The following ZNF341 variants were observed in gnomAD, a reference collection of about 807,000 sequenced individuals.
The protein encoded by ZNF341 is zinc finger protein 341.
Under a neutral mutation model 87.7 loss-of-function variants are expected in ZNF341, and 52 were observed. That is an observed-to-expected ratio of 0.59 (90% confidence interval 0.47 to 0.75). The LOEUF (loss-of-function observed/expected upper bound fraction) is 0.75, where lower values mean the gene tolerates loss of function less well. Ranked by LOEUF, ZNF341 falls within the 30% of genes least tolerant of loss-of-function variation. The pLI is 0.00. For synonymous variants in ZNF341, 459 were observed against 472.7 expected, an observed-to-expected ratio of 0.97 and a Z score of 0.38; for missense variants, 977 against 1,145.9, an observed-to-expected ratio of 0.85 and a Z score of 2.13.
chr20:33,784,774 C>T (rs2019819469), intron 12 of ZNF341, among the ~76,000 whole-genome samples: 3 of 151,934 alleles, frequency 2.0e-5, no homozygotes, highest in Admixed American at 2.0e-4. Flanking sequence ...ACCACCATGT[C>T]CAGCTAGTTT....
At chr20:33,742,054 C>T (rs1046610413) in intron 2 of ZNF341, among the ~76,000 whole-genome samples, 1 of 152,160 alleles carries the variant, frequency 6.6e-6, no homozygotes, top group Non-Finnish European at 1.5e-5. Context: ...TTGGGGTGGG[C>T]ATGGTGAGAC....
In ZNF341 at chr20:33,764,543, G is replaced by GTGTATATATATATA. The variant is rs1332743148; in HGVS notation, c.1223-2307_1223-2306insGTATATATATATAT. Among the ~76,000 whole-genome samples the GTGTATATATATATA allele has an allele frequency of 4.0e-4, 28 of 69,338 alleles. No individual in the cohort carries two copies. The East Asian group carries it at 5.1e-3, about 13-fold the overall frequency. 45.5% of individuals were successfully genotyped at this position (69,338 alleles called of 152,430 possible). ...TATATATATGTGTGTGTGTGTATGT[G>GTGTATATATATATA]TATATATATATATATATATTTTTTT... is the stretch of plus-strand genomic sequence containing the variant. On this transcript the variant is annotated intron_variant, in intron 8 of 14. Coordinates refer to ENST00000375200, the MANE Select transcript of ZNF341 (RefSeq NM_001282933.2).
intron 12 of ZNF341, 38 bp downstream of exon 12, chr20:33,783,902 T>G (rs972463998): frequency 7.6e-7 from 1 of 1,323,290 alleles, no homozygotes; most frequent in Non-Finnish European, 1.0e-6. Flanking sequence ...GCCCAGCCCC[T>G]CCCCTCCCCC....
At position 33,788,871 on chromosome 20, in the gene ZNF341, C is replaced by G. The variant is rs1479160432; in HGVS notation, c.1861C>G (p.Pro621Ala). 3 of 1,613,916 alleles carry G rather than the reference C, an allele frequency of 1.9e-6. No individual in the cohort carries two copies. Among genetic ancestry groups the G allele is most frequent in the Non-Finnish European group, 2.5e-6 (3 of 1,179,904 alleles). ...LHAHIHSGEK[P>A]YKCSVCESAF... is the part of the protein sequence containing the mutation. ...GTCTGTGTCTGCTGCAGGTGAGAAG[C>G]CCTACAAATGCTCAGTGTGCGAGTC... The change falls in exon 13 of 15, where the codon CCC becomes GCC. Residue 621 changes from proline to alanine, a missense_variant. Transcript: ENST00000375200.
rs140346478 is a variant in ZNF341, at chr20:33,783,504, G to C, written c.1720-228G>C. 8.6e-3 allele frequency among the ~76,000 whole-genome samples: 1,309 copies of C among 152,274 alleles called. 22 individuals carry two copies. Among genetic ancestry groups the C allele is most frequent in the African/African-American group, 0.03 (1,252 of 41,542 alleles). Reference sequence around the variant, plus strand: ...TCAGTAAAGAGAGAAAGGCCCTCTGGGTGGGAAGAACATCCGGGCAAAAGC... The same window carrying C: ...TCAGTAAAGAGAGAAAGGCCCTCTGCGTGGGAAGAACATCCGGGCAAAAGC... On this transcript the variant is annotated intron_variant, in intron 11 of 14. Transcript: ENST00000375200.
intron 5 of ZNF341, among the ~76,000 whole-genome samples, chr20:33,754,687 CT>C (rs1453608884): frequency 6.6e-6 from 1 of 152,188 alleles, no homozygotes; most frequent in African/African-American, 2.4e-5. Context: ...GAAGGAGCTG[CT>C]GCTGTTGATT....
chr20:33,757,115 A>T (rs780611753), intron 5 of ZNF341, 33 bp from the exon 6 acceptor site: 5 of 1,376,888 alleles, frequency 3.6e-6, no homozygotes, highest in Non-Finnish European at 4.7e-6. Flanking sequence ...CTTCCCTGGC[A>T]GGGCTTTTTC....
chr20:33,749,888 G>T (rs2019017945), intron 4 of ZNF341, among the ~76,000 whole-genome samples: 1 of 151,848 alleles, frequency 6.6e-6, no homozygotes, highest in Non-Finnish European at 1.5e-5. Context: ...GAGTAGCTGG[G>T]ATTACAGGTG....
chr20:33,778,319 A>AT (rs541960050), intron 10 of ZNF341, among the ~76,000 whole-genome samples: 12 of 147,496 alleles, frequency 8.1e-5, no homozygotes, highest in East Asian at 4.0e-4. Context: ...TTCTTTTTTT[A>AT]TTTTTTTTGA....
At chr20:33,781,701 A>ATTT (rs35710818) in intron 11 of ZNF341, among the ~76,000 whole-genome samples, 100 of 143,246 alleles carry the variant, frequency 7.0e-4, no homozygotes, top group Non-Finnish European at 1.1e-3. Flanking sequence ...CTTCTTTTTA[A>ATTT]TTTTTTTTTT....
rs1031692213 is a variant in ZNF341 at position 33,791,006 on chromosome 20, G to A, written c.2054G>A (p.Cys685Tyr). ...LSHSGMKLHK[C>Y]ALCSKSFSRR... is the part of the protein sequence containing the mutation. ...CCTCCAGGCATGAAGCTCCACAAAT[G>A]CGCCCTGTGCAGCAAGTCCTTCAGC... The change falls in exon 15 of 15, where the codon TGC (cysteine) becomes TAC (tyrosine). Residue 685 changes from cysteine to tyrosine, a missense_variant. Physicochemically the swap from Cys to Tyr is radical, Grantham distance 194. Coordinates refer to ENST00000375200, the MANE Select transcript of ZNF341 (RefSeq NM_001282933.2). The A allele has an allele frequency of 4.3e-6, 7 of 1,612,560 alleles. No individual in the cohort carries two copies. The highest frequency in any genetic ancestry group is 2.7e-5 in the African/African-American group (2 of 74,934).
Position 33,791,008 on chromosome 20 carries a change from G to A in ZNF341, c.2056G>A (p.Ala686Thr), listed in dbSNP as rs761222917. ...TCCAGGCATGAAGCTCCACAAATGCGCCCTGTGCAGCAAGTCCTTCAGCCG... is the reference window on the plus strand; with the variant it reads ...TCCAGGCATGAAGCTCCACAAATGCACCCTGTGCAGCAAGTCCTTCAGCCG... ...SHSGMKLHKC[A>T]LCSKSFSRRA... Residue 686 changes from alanine (A) to threonine (T), a missense_variant, in exon 15 of 15, where the codon GCC becomes ACC. Physicochemically the swap from Ala to Thr is moderately conservative, Grantham distance 58 (BLOSUM62 0). Coordinates refer to ENST00000375200, the MANE Select transcript of ZNF341 (RefSeq NM_001282933.2). 19 of 1,612,826 alleles carry A rather than the reference G, an allele frequency of 1.2e-5. No homozygotes were observed. The highest frequency in any genetic ancestry group is 4.4e-5 in the South Asian group (4 of 91,020).
At chr20:33,749,383 C>G (rs376753023) in intron 4 of ZNF341, among the ~76,000 whole-genome samples, 30 of 152,192 alleles carry the variant, frequency 2.0e-4, no homozygotes, top group African/African-American at 7.0e-4. Context: ...ACCTCTGCCT[C>G]CTGGGTTCAA....
chr20:33,740,143 C>A (rs760488720), intron 1 of ZNF341, among the ~76,000 whole-genome samples: 1 of 152,170 alleles, frequency 6.6e-6, no homozygotes, highest in African/African-American at 2.4e-5. Context: ...GGATTACAGG[C>A]GTGAGCCACT....
chr20:33,732,201 G>C lies in ZNF341; in HGVS notation c.31+149G>C. On this transcript the variant is annotated intron_variant, in intron 1 of 14. Coordinates refer to ENST00000375200, the MANE Select transcript of ZNF341 (RefSeq NM_001282933.2). This position sits in a 1 kb window ranked among gnomAD's most constrained non-coding sequence, Gnocchi z 4.5. ...GCCGCGGGGCGGGAGGGGCGCGGGC[G>C]GGAACAGCGCGGGAGCCGAGGCCCG... 1.7e-6 allele frequency: 1 copy of C among 591,880 alleles called. No homozygotes were observed. The highest frequency in any genetic ancestry group is 2.1e-6 in the Non-Finnish European group (1 of 471,060). 36.7% of individuals were successfully genotyped at this position (591,880 alleles called of 1,614,324 possible).
At chr20:33,770,334 G>A in intron 10 of ZNF341, 42 bp downstream of exon 10, 2 of 1,426,550 alleles carry the variant, frequency 1.4e-6, no homozygotes, top group African/African-American at 1.4e-5. Flanking sequence ...GGACGGGTGG[G>A]TGGGCAGGGA....
chr20:33,761,484 G>A (rs775985779), intron 7 of ZNF341, among the ~76,000 whole-genome samples: 2 of 152,118 alleles, frequency 1.3e-5, no homozygotes, highest in African/African-American at 2.4e-5. Flanking sequence ...GGCTGGTCTC[G>A]AACTCCTGAC....
intron 14 of ZNF341, among the ~76,000 whole-genome samples, chr20:33,790,377 A>G (rs890666016): frequency 3.3e-5 from 5 of 151,988 alleles, no homozygotes; most frequent in African/African-American, 1.2e-4. Flanking sequence ...CCTGGCCTGT[A>G]ATCCTGTAGA....
chr20:33,738,094 G>A (rs1003389833), intron 1 of ZNF341, among the ~76,000 whole-genome samples: 6 of 148,754 alleles, frequency 4.0e-5, no homozygotes, highest in African/African-American at 1.2e-4. Flanking sequence ...CCAAGATTGC[G>A]CCATTGCACT....
Sources: allele counts gnomAD v4.1 joint callset (sites outside exome capture counted in the v4.1 genomes callset), GRCh38; gene constraint gnomAD v4.1.1; non-coding constraint Gnocchi (gnomAD v3.1); transcripts MANE v1.5; gene names NCBI Gene and HGNC (gene_info 2026-07-23, HGNC 2026-07-21).